Variants in GRM3 observed in about 807,000 individuals in gnomAD.
GRM3 encodes the protein glutamate metabotropic receptor 3, also known as metabotropic glutamate receptor 3.
A neutral mutation model predicts 70.5 loss-of-function variants in GRM3; 26 were observed. The observed-to-expected ratio is 0.37, with a 90% CI of 0.27 to 0.51. The LOEUF is 0.51. Among genes scored for constraint, GRM3 ranks in the 20% least tolerant of loss-of-function variants. The probability of loss-of-function intolerance (pLI) is 0.93; values close to 1 mark genes in which losing one functional copy is unlikely to be tolerated. For synonymous variants in GRM3, 443 were observed against 434.9 expected, an observed-to-expected ratio of 1.02 and a Z score of -0.23; for missense variants, 859 against 1,123.8, an observed-to-expected ratio of 0.76 and a Z score of 3.37.
At chr7:86,722,312 T>C (rs1584193213) in intron 1 of GRM3, among the ~76,000 whole-genome samples, 1 of 152,278 alleles carries the variant, frequency 6.6e-6, no homozygotes, top group South Asian at 2.1e-4. Flanking sequence ...CATATGTTTA[T>C]TGCAGCACTG....
chr7:86,723,305 G>T (rs1795517286), intron 1 of GRM3, among the ~76,000 whole-genome samples: 1 of 151,944 alleles, frequency 6.6e-6, no homozygotes, highest in Non-Finnish European at 1.5e-5. Context: ...TGTGAGAAAA[G>T]GTAACAGAAA....
In GRM3 at chr7:86,864,856, T is replaced by C. The variant is rs1376555307; in HGVS notation, c.*501T>C. On this transcript the variant is annotated 3_prime_UTR_variant, in exon 6 of 6. Transcript: ENST00000361669. ...TGTATTAATGTAAAGATACTGAGAA[T>C]AAAACCTTCAAGGTTTTCCAGCATG... 6.5e-6 allele frequency: 1 copy of C among 152,692 alleles called. No individual in the cohort carries two copies. The highest frequency in any genetic ancestry group is 1.5e-5 in the Non-Finnish European group (1 of 68,098). 9.5% of individuals were successfully genotyped at this position (152,692 alleles called of 1,614,324 possible). A position where few individuals can be genotyped will look rare whatever the true frequency, so the allele number is the denominator to read the frequency against.
chr7:86,795,380 G>T (rs1797525945), intron 3 of GRM3, among the ~76,000 whole-genome samples: 2 of 151,570 alleles, frequency 1.3e-5, no homozygotes, highest in South Asian at 2.1e-4. Context: ...GTGCCATGGT[G>T]GTTTGCTGCA....
chr7:86,701,349 A>C (rs534866314), intron 1 of GRM3, among the ~76,000 whole-genome samples: 72 of 152,054 alleles, frequency 4.7e-4, no homozygotes, highest in Admixed American at 5.9e-4. Flanking sequence ...TCAACATAGA[A>C]TCCTAATATT....
At chr7:86,703,982 A>C (rs2116115337) in intron 1 of GRM3, among the ~76,000 whole-genome samples, 1 of 152,070 alleles carries the variant, frequency 6.6e-6, no homozygotes, top group East Asian at 1.9e-4. Context: ...TGCCTGTATT[A>C]ATAAAGTTGT....
intron 1 of GRM3, among the ~76,000 whole-genome samples, chr7:86,655,820 CTGTGTGTGTGTGTGTG>C (rs371609030): frequency 6.9e-6 from 1 of 144,442 alleles, no homozygotes; most frequent in Non-Finnish European, 1.5e-5. Flanking sequence ...AAGGCTAACT[CTGTGTGTGTGTGTGTG>C]TGTGTGTGTG....
At chr7:86,861,223 G>A (rs990871163) in intron 5 of GRM3, among the ~76,000 whole-genome samples, 1 of 152,158 alleles carries the variant, frequency 6.6e-6, no homozygotes, top group South Asian at 2.1e-4. Flanking sequence ...ATGTTTGCTG[G>A]TCATTTCTTT....
intron 1 of GRM3, among the ~76,000 whole-genome samples, chr7:86,736,000 C>T (rs1187808524): frequency 1.3e-5 from 2 of 152,160 alleles, no homozygotes; most frequent in Non-Finnish European, 1.5e-5. Context: ...GGTCATTAAG[C>T]AATGAGACCA....
chr7:86,841,542 G>A (rs1798559690), intron 4 of GRM3, among the ~76,000 whole-genome samples: 1 of 151,834 alleles, frequency 6.6e-6, no homozygotes, highest in Admixed American at 6.6e-5. Flanking sequence ...ATATCTGTAG[G>A]ATTTTTTTTT....
At chr7:86,772,235 A>G (rs1266092814) in intron 2 of GRM3, among the ~76,000 whole-genome samples, 1 of 152,082 alleles carries the variant, frequency 6.6e-6, no homozygotes. Context: ...TACAGTTGAT[A>G]AGAACTGAAA....
At chr7:86,732,937 A>G (rs1055791556) in intron 1 of GRM3, among the ~76,000 whole-genome samples, 1 of 152,168 alleles carries the variant, frequency 6.6e-6, no homozygotes, top group African/African-American at 2.4e-5. Context: ...GCAGGAAAGT[A>G]AAATTCTAAA....
chr7:86,672,993 T>G (rs1794211304), intron 1 of GRM3, among the ~76,000 whole-genome samples: 1 of 152,210 alleles, frequency 6.6e-6, no homozygotes, highest in African/African-American at 2.4e-5. Flanking sequence ...GAACTAAGGT[T>G]GCAAAACAAA....
intron 5 of GRM3, among the ~76,000 whole-genome samples, chr7:86,851,622 G>A (rs1320125922): frequency 1.3e-5 from 2 of 152,016 alleles, no homozygotes; most frequent in Admixed American, 6.6e-5. Flanking sequence ...TCACATTAGC[G>A]CCCCAATTTC....
intron 1 of GRM3, among the ~76,000 whole-genome samples, chr7:86,702,808 C>T (rs1794972712): frequency 6.6e-6 from 1 of 151,760 alleles, no homozygotes; most frequent in South Asian, 2.1e-4. Context: ...TGATTTAGAC[C>T]AGAAGGAAGA....
intron 1 of GRM3, among the ~76,000 whole-genome samples, chr7:86,727,924 A>T (rs1317944757): frequency 6.6e-6 from 1 of 152,190 alleles, no homozygotes; most frequent in African/African-American, 2.4e-5. Flanking sequence ...TACAGAAACC[A>T]TATGGCCTGC....
intron 2 of GRM3, among the ~76,000 whole-genome samples, chr7:86,772,206 A>G (rs984058087): frequency 2.4e-4 from 37 of 152,092 alleles, no homozygotes; most frequent in African/African-American, 8.7e-4. Context: ...GAATGAATTG[A>G]AAGAATTGAT....
chr7:86,786,795 C>T lies in GRM3; in HGVS notation c.1003C>T (p.Arg335Cys), dbSNP rs754472943. Residue 335 changes from arginine to cysteine, a missense_variant, in exon 3 of 6, where the codon CGC becomes TGC. Transcript: ENST00000361669. This position sits in a 1 kb window ranked among gnomAD's most constrained non-coding sequence, Gnocchi z 6.0. ...CTCCCAGCCTGTCCGCCAGTTCGAC[C>T]GCTACTTCCAGAGCCTCAACCCCTA... Reference protein sequence around the residue: ...LASQPVRQFDRYFQSLNPYNN... With the variant: ...LASQPVRQFDCYFQSLNPYNN... 6.2e-7 allele frequency: 1 copy of T among 1,614,178 alleles called. No homozygotes were observed. The highest frequency in any genetic ancestry group is 8.5e-7 in the Non-Finnish European group (1 of 1,180,016).
At chr7:86,781,374 G>A (rs720026) in intron 2 of GRM3, among the ~76,000 whole-genome samples, 2,960 of 152,212 alleles carry the variant, frequency 0.019, 69 homozygotes, top group African/African-American at 0.052. Flanking sequence ...TTAATAATCC[G>A]TCTTTGACTT....
At chr7:86,822,887 T>C (rs781075720) in intron 3 of GRM3, among the ~76,000 whole-genome samples, 14 of 152,186 alleles carry the variant, frequency 9.2e-5, no homozygotes, top group Non-Finnish European at 1.3e-4. Flanking sequence ...ACGAAGTTAC[T>C]GTTTAGCTTT....
Sources: allele counts gnomAD v4.1 joint callset (sites outside exome capture counted in the v4.1 genomes callset), GRCh38; gene constraint gnomAD v4.1.1; non-coding constraint Gnocchi (gnomAD v3.1); transcripts MANE v1.5; gene names NCBI Gene and HGNC (gene_info 2026-07-23, HGNC 2026-07-21).